MAGI3: variants seen among roughly 807,000 people sequenced by gnomAD.
MAGI3 encodes membrane associated guanylate kinase, WW and PDZ domain containing 3.
In MAGI3, 43 loss-of-function variants were observed where a neutral mutation model predicts 121.8. That is an observed-to-expected ratio of 0.35 (90% CI 0.28 to 0.46). The LOEUF is 0.46. Ranked by LOEUF, MAGI3 falls within the 20% of genes least tolerant of loss-of-function variation. The probability of loss-of-function intolerance (pLI) is 1.00; values close to 1 mark genes in which losing one functional copy is unlikely to be tolerated. For synonymous variants in MAGI3, 553 were observed against 639.3 expected, an observed-to-expected ratio of 0.86 and a Z score of 2.04; for missense variants, 1,547 against 1,797.3, an observed-to-expected ratio of 0.86 and a Z score of 2.52.
At chr1:113,548,343 C>G (rs1466697097) in intron 1 of MAGI3, among the ~76,000 whole-genome samples, 1 of 152,180 alleles carries the variant, frequency 6.6e-6, no homozygotes, top group Non-Finnish European at 1.5e-5. Flanking sequence ...CAGATTTCTG[C>G]AATCCTGTTT....
chr1:113,533,219 A>G (rs560762901), intron 1 of MAGI3, among the ~76,000 whole-genome samples: 1 of 152,350 alleles, frequency 6.6e-6, no homozygotes, highest in Non-Finnish European at 1.5e-5. Flanking sequence ...ATAAAAGAAA[A>G]TGTGGTACAT....
chr1:113,630,965 C>T (rs1379093815), intron 9 of MAGI3, among the ~76,000 whole-genome samples: 1 of 152,162 alleles, frequency 6.6e-6, no homozygotes, highest in Non-Finnish European at 1.5e-5. Flanking sequence ...CTCCAGCCCC[C>T]AGTGGTGAGG....
chr1:113,674,664 A>G (rs191038823), intron 19 of MAGI3, among the ~76,000 whole-genome samples: 108 of 152,284 alleles, frequency 7.1e-4, no homozygotes, highest in African/African-American at 2.4e-3. Flanking sequence ...ATTATTAGAA[A>G]AGGTGCTTCT....
chr1:113,488,473 C>T, intron 1 of MAGI3, among the ~76,000 whole-genome samples: 1 of 151,994 alleles, frequency 6.6e-6, no homozygotes, highest in Admixed American at 6.5e-5. Context: ...GCCTCAGGTG[C>T]CCTGGGGGGC....
intron 1 of MAGI3, among the ~76,000 whole-genome samples, chr1:113,523,749 A>G (rs1402105702): frequency 1.3e-5 from 2 of 152,226 alleles, no homozygotes; most frequent in African/African-American, 4.8e-5. Context: ...TGACAATGTG[A>G]TAGAAAAGAA....
At chr1:113,441,185 ATC>A (rs1333737195) in intron 1 of MAGI3, among the ~76,000 whole-genome samples, 1 of 152,032 alleles carries the variant, frequency 6.6e-6, no homozygotes, top group African/African-American at 2.4e-5. Flanking sequence ...TACCCCTAAT[ATC>A]TCATGTTGGG....
intron 9 of MAGI3, among the ~76,000 whole-genome samples, chr1:113,635,045 G>A (rs1167663956): frequency 6.6e-6 from 1 of 152,024 alleles, no homozygotes; most frequent in Non-Finnish European, 1.5e-5. Context: ...GTCTGTTATT[G>A]GTGTATAAGA....
intron 1 of MAGI3, among the ~76,000 whole-genome samples, chr1:113,460,295 A>G (rs1654965777): frequency 6.6e-6 from 1 of 152,228 alleles, no homozygotes; most frequent in South Asian, 2.1e-4. Flanking sequence ...GCCATCTATG[A>G]CAAACCCACA....
intron 1 of MAGI3, among the ~76,000 whole-genome samples, chr1:113,479,308 A>C (rs1656003067): frequency 6.6e-6 from 1 of 152,174 alleles, no homozygotes; most frequent in African/African-American, 2.4e-5. Context: ...TTGGAAATGC[A>C]GAAATCACCC....
In MAGI3 at chr1:113,672,737, A is replaced by G. The variant is rs761999973; in HGVS notation, c.3041A>G (p.Asn1014Ser). The change falls in exon 18 of 21, where the codon AAT becomes AGT. Residue 1014 changes from asparagine (N) to serine (S), a missense_variant. Transcript: ENST00000307546. ...ATTTCAGTTGTAGGCAGTCGGCACAATCAGGTAAACAAACATTTCCCCAGA... is the reference window on the plus strand; with the variant it reads ...ATTTCAGTTGTAGGCAGTCGGCACAGTCAGGTAAACAAACATTTCCCCAGA... ...AVISVVGSRH[N>S]QNLGCYPVEL... 3.7e-6 allele frequency: 6 copies of G among 1,609,746 alleles called. No individual in the cohort carries two copies. The highest frequency in any genetic ancestry group is 5.1e-6 in the Non-Finnish European group (6 of 1,178,474).
In MAGI3 at chr1:113,599,259, C is replaced by CA. The variant is rs577377498; in HGVS notation, c.1018+4705dup. ...GGAAATAGAGACACAAAAAACCCTTCAAAAAATTAATGAATCCAGGAGCTG... is the reference window on the plus strand; with the variant it reads ...GGAAATAGAGACACAAAAAACCCTTCAAAAAAATTAATGAATCCAGGAGCTG... On this transcript the variant is annotated intron_variant, in intron 6 of 20. Transcript: ENST00000307546. Among the ~76,000 whole-genome samples the CA allele has an allele frequency of 3.4e-3, 518 of 151,988 alleles. 5 individuals are homozygous for CA. The highest frequency in any genetic ancestry group is 0.012 in the African/African-American group (494 of 41,460).
At chr1:113,462,235 C>A (rs1655071446) in intron 1 of MAGI3, among the ~76,000 whole-genome samples, 1 of 152,106 alleles carries the variant, frequency 6.6e-6, no homozygotes, top group African/African-American at 2.4e-5. Context: ...CAATATAAAT[C>A]ATTCTACTGT....
intron 1 of MAGI3, among the ~76,000 whole-genome samples, chr1:113,411,785 A>T (rs2101336559): frequency 6.6e-6 from 1 of 152,178 alleles, no homozygotes; most frequent in South Asian, 2.1e-4. Flanking sequence ...AAGGAAAGTT[A>T]AAATCAATTA....
chr1:113,580,746 A>G, intron 3 of MAGI3, 85 bp downstream of exon 3: 1 of 1,325,678 alleles, frequency 7.5e-7, no homozygotes, highest in Non-Finnish European at 9.9e-7. Flanking sequence ...CCAGTAAAGT[A>G]CCACTTTTTG....
At chr1:113,564,444 A>T (rs957922241) in intron 2 of MAGI3, among the ~76,000 whole-genome samples, 6 of 152,258 alleles carry the variant, frequency 3.9e-5, no homozygotes, top group African/African-American at 1.4e-4. Flanking sequence ...GCAAGTGCTT[A>T]CAGAGAGAAA....
intron 1 of MAGI3, among the ~76,000 whole-genome samples, chr1:113,503,664 G>T (rs12408696): frequency 6.6e-6 from 1 of 151,904 alleles, no homozygotes; most frequent in African/African-American, 2.4e-5. Flanking sequence ...ATATTCATTA[G>T]AAGTAAAGGA....
At chr1:113,578,745 A>T (rs1294831158) in intron 2 of MAGI3, among the ~76,000 whole-genome samples, 1 of 152,206 alleles carries the variant, frequency 6.6e-6, no homozygotes, top group Non-Finnish European at 1.5e-5. Context: ...TAAAAATTTG[A>T]AAATAAAAAA....
intron 1 of MAGI3, among the ~76,000 whole-genome samples, chr1:113,397,714 T>C (rs1651189790): frequency 6.6e-6 from 1 of 152,332 alleles, no homozygotes; most frequent in East Asian, 1.9e-4. Context: ...TTTTTTTAAA[T>C]GTGTTATCTC....
intron 15 of MAGI3, 147 bp downstream of exon 15, chr1:113,654,165 A>G (rs1460759754): frequency 2.6e-5 from 16 of 625,142 alleles, no homozygotes; most frequent in Non-Finnish European, 3.7e-5. Flanking sequence ...CTTATTTTCA[A>G]AATTAGGTAA....
Sources: gnomAD v4.1 joint callset for allele counts (sites outside exome capture counted in the v4.1 genomes callset) on GRCh38, gnomAD v4.1.1 for gene constraint, MANE v1.5 for transcripts, NCBI Gene and HGNC (gene_info 2026-07-23, HGNC 2026-07-21) for gene names.